BCAS3: variants seen among roughly 807,000 people sequenced by gnomAD.
BCAS3 encodes BCAS3 microtubule associated cell migration factor.
Under a neutral mutation model 116.1 loss-of-function variants are expected in BCAS3, and 53 were observed. The observed-to-expected ratio is 0.46, with a 90% CI of 0.37 to 0.57. BCAS3 has a LOEUF of 0.57. Among genes scored for constraint, BCAS3 ranks in the 20% least tolerant of loss-of-function variants. BCAS3 has a pLI of 0.00. For synonymous variants in BCAS3, 391 were observed against 408.2 expected, an observed-to-expected ratio of 0.96 and a Z score of 0.51; for missense variants, 917 against 1,165.4, an observed-to-expected ratio of 0.79 and a Z score of 3.10.
rs568116602 is a variant in BCAS3 at position 60,727,153 on chromosome 17, A to G, written c.321+17828A>G. The G allele has an allele frequency of 2.2e-5, 14 of 635,390 alleles. No individual in the cohort carries two copies. In the South Asian group the frequency reaches 4.2e-4, roughly 19 times the overall value. The allele number at this position is 635,390 out of a possible 1,614,324, so 39.4% of individuals were successfully genotyped here. A position where few individuals can be genotyped will look rare whatever the true frequency, so the allele number is the denominator to read the frequency against. The stretch of plus-strand genomic sequence containing the variant: ...TTTTCTCTTCAAAATTAAAAGAAAA[A>G]TATCCCAAAGTTTAGAACTGGATCT... On this transcript the variant is annotated intron_variant, in intron 5 of 23. Coordinates refer to ENST00000407086, the MANE Select transcript of BCAS3 (RefSeq NM_017679.5).
intron 4 of BCAS3, among the ~76,000 whole-genome samples, chr17:60,694,973 A>G (rs1214261391): frequency 3.9e-5 from 6 of 152,032 alleles, no homozygotes; most frequent in African/African-American, 1.4e-4. Context: ...GGGACCTCAC[A>G]TGGGTAGAAT....
chr17:60,902,747 A>G, intron 11 of BCAS3, 44 bp downstream of exon 11: 14 of 1,392,146 alleles, frequency 1.0e-5, no homozygotes, highest in Non-Finnish European at 1.2e-5. Context: ...TATGTGTAGT[A>G]ATTGTTCAGA....
chr17:61,127,018 T>C (rs542205183), intron 22 of BCAS3, among the ~76,000 whole-genome samples: 1 of 152,134 alleles, frequency 6.6e-6, no homozygotes, highest in East Asian at 1.9e-4. Context: ...TAAATTAGGA[T>C]ACATCTCGAA....
chr17:60,733,168 T>G (rs1197018087), intron 5 of BCAS3, among the ~76,000 whole-genome samples: 1 of 152,372 alleles, frequency 6.6e-6, no homozygotes, highest in South Asian at 2.1e-4. Flanking sequence ...TAGATAAATA[T>G]GTTATTAACC....
intron 15 of BCAS3, among the ~76,000 whole-genome samples, chr17:60,992,991 A>G (rs1275006868): frequency 6.6e-6 from 1 of 152,196 alleles, no homozygotes; most frequent in African/African-American, 2.4e-5. Context: ...GTATTAGTAA[A>G]TTAAGAAGGC....
At chr17:61,115,784 A>G (rs917087559) in intron 22 of BCAS3, among the ~76,000 whole-genome samples, 4 of 149,662 alleles carry the variant, frequency 2.7e-5, no homozygotes, top group African/African-American at 9.8e-5. Context: ...ATAAAGACAC[A>G]TGCACACGTA....
intron 22 of BCAS3, among the ~76,000 whole-genome samples, chr17:61,201,759 C>CTTTTT (rs34301859): frequency 2.1e-5 from 3 of 142,206 alleles, no homozygotes; most frequent in Non-Finnish European, 3.1e-5. Context: ...AGGAAACTAA[C>CTTTTT]TTTTTTTTTT....
intron 22 of BCAS3, among the ~76,000 whole-genome samples, chr17:61,280,587 A>G (rs1391268346): frequency 6.6e-6 from 1 of 152,244 alleles, no homozygotes; most frequent in Non-Finnish European, 1.5e-5. Context: ...TCTATATAGC[A>G]GGAGTAACAG....
intron 22 of BCAS3, among the ~76,000 whole-genome samples, chr17:61,133,152 C>T (rs1163999179): frequency 6.6e-6 from 1 of 152,130 alleles, no homozygotes; most frequent in Admixed American, 6.5e-5. Context: ...AACAAAACCC[C>T]AGAACAACAA....
At chr17:61,275,742 G>A (rs1602356217) in intron 22 of BCAS3, among the ~76,000 whole-genome samples, 1 of 152,156 alleles carries the variant, frequency 6.6e-6, no homozygotes, top group African/African-American at 2.4e-5. Context: ...CATGTAGCCC[G>A]GCAGGCTGGC....
chr17:61,142,521 T>G (rs2076979936), intron 22 of BCAS3, among the ~76,000 whole-genome samples: 1 of 151,780 alleles, frequency 6.6e-6, no homozygotes, highest in South Asian at 2.1e-4. Flanking sequence ...TATAGTGCCC[T>G]GGGAGTACTA....
intron 22 of BCAS3, among the ~76,000 whole-genome samples, chr17:61,328,962 T>C (rs1028745646): frequency 3.5e-5 from 5 of 144,166 alleles, no homozygotes; most frequent in Non-Finnish European, 7.5e-5. Flanking sequence ...TGGTGCAATC[T>C]CAGCTCACCG....
At chr17:61,194,829 A>G (rs886444736) in intron 22 of BCAS3, among the ~76,000 whole-genome samples, 1 of 152,102 alleles carries the variant, frequency 6.6e-6, no homozygotes, top group Non-Finnish European at 1.5e-5. Context: ...AAAGACTGAA[A>G]ATGCCTATAT....
chr17:60,822,679 C>T (rs1402041480), intron 7 of BCAS3, among the ~76,000 whole-genome samples: 1 of 152,164 alleles, frequency 6.6e-6, no homozygotes, highest in Non-Finnish European at 1.5e-5. Context: ...TTGAAATGTA[C>T]AGTTTCCAAT....
In BCAS3 at chr17:61,037,908, A is replaced by T. The variant is rs1255722713; in HGVS notation, c.1782A>T (p.Val594=). The T allele has an allele frequency of 6.2e-7, 1 of 1,614,042 alleles. No homozygotes were observed. Among genetic ancestry groups the T allele is most frequent in the Non-Finnish European group, 8.5e-7 (1 of 1,179,966 alleles). The change falls in exon 18 of 24, where the codon GTA becomes GTT. Residue 594 remains valine (V), a synonymous_variant. Coordinates refer to ENST00000407086, the MANE Select transcript of BCAS3 (RefSeq NM_017679.5). This position sits in a 1 kb window ranked among gnomAD's most constrained non-coding sequence, Gnocchi z 4.7. ...KREKDQSKQV[V]VESLYIISCY... The stretch of plus-strand genomic sequence containing the variant: ...TTGTAGATCAGTCCAAACAAGTTGT[A>T]GTTGAGTCCCTGTACATTATCAGTT...
At position 61,324,822 on chromosome 17, in the gene BCAS3, GAAA is replaced by G. The variant is rs552000873; in HGVS notation, c.2426-43492_2426-43490del. Among the ~76,000 whole-genome samples the G allele has an allele frequency of 8.0e-6, 1 of 124,770 alleles. No individual in the cohort carries two copies. The allele number at this position is 124,770 out of a possible 152,430, so 81.9% of individuals were successfully genotyped here. On this transcript the variant is annotated intron_variant, in intron 22 of 23. Coordinates refer to ENST00000407086, the MANE Select transcript of BCAS3 (RefSeq NM_017679.5). This position sits in a 1 kb window ranked among gnomAD's most constrained non-coding sequence, Gnocchi z 4.6. ...CAACCTAGTGAGACCTCATCTCTAT[GAAA>G]AAAAAAAAAAAAGAAGAAACAAAAA...
At chr17:61,328,321 C>A (rs183030529) in intron 22 of BCAS3, among the ~76,000 whole-genome samples, 112 of 152,284 alleles carry the variant, frequency 7.4e-4, no homozygotes, top group African/African-American at 2.5e-3. Context: ...ACAGGGAATT[C>A]TCACTCTGTT....
chr17:60,686,371 G>A (rs1279587137), intron 3 of BCAS3, among the ~76,000 whole-genome samples: 1 of 152,114 alleles, frequency 6.6e-6, no homozygotes, highest in African/African-American at 2.4e-5. Flanking sequence ...CTCTGGGTCT[G>A]CAAATATCCT....
chr17:60,895,184 A>G (rs2057428731), intron 10 of BCAS3, among the ~76,000 whole-genome samples: 1 of 148,842 alleles, frequency 6.7e-6, no homozygotes. Context: ...GAACCTGTCT[A>G]GTCCTGGGCT....
Sources: gnomAD v4.1 joint callset for allele counts (sites outside exome capture counted in the v4.1 genomes callset) on GRCh38, gnomAD v4.1.1 for gene constraint, Gnocchi (gnomAD v3.1) non-coding constraint, MANE v1.5 for transcripts, NCBI Gene and HGNC (gene_info 2026-07-23, HGNC 2026-07-21) for gene names.